TRRAP: variants seen among roughly 807,000 people sequenced by gnomAD.
TRRAP encodes transformation/transcription domain associated protein.
In TRRAP, 41 loss-of-function variants were observed where a neutral mutation model predicts 438.8. The ratio of observed to expected loss-of-function variants is 0.09; its 90% CI spans 0.07 to 0.12. The LOEUF (loss-of-function observed/expected upper bound fraction) is 0.12. Ranked by LOEUF, TRRAP falls within the 10% of genes least tolerant of loss-of-function variation. The pLI is 1.00. For synonymous variants in TRRAP, 1,994 were observed against 1,962.9 expected (o/e 1.02, Z -0.42); for missense variants, 3,122 against 5,055.1 (o/e 0.62, Z 11.60).
In TRRAP at chr7:98,931,470, G is replaced by A. The variant is rs782660771; in HGVS notation, c.3657G>A (p.Thr1219=). Residue 1219 remains threonine (T), a synonymous_variant, in exon 26 of 73, where the codon ACG becomes ACA. Transcript: ENST00000456197. The part of the protein sequence containing the change: ...TLEQLLMRCA[T]PLKDEERAEE... The stretch of plus-strand genomic sequence containing the variant: ...AGCAGCTTCTGATGCGGTGCGCAAC[G>A]CCTTTAAAAGACGAGGAGAGAGCCG... The A allele has an allele frequency of 5.6e-6, 9 of 1,613,988 alleles. No individual in the cohort carries two copies. In the African/African-American group the frequency reaches 6.7e-5, roughly 12 times the overall value.
Position 98,948,153 on chromosome 7 carries a change from A to G in TRRAP, c.4549-68A>G. The G allele has an allele frequency of 6.2e-7, 1 of 1,602,704 alleles. No homozygotes were observed. Among genetic ancestry groups the G allele is most frequent in the South Asian group, 1.1e-5 (1 of 90,586 alleles). On this transcript the variant is annotated intron_variant, in intron 33 of 72. Coordinates refer to ENST00000456197, the MANE Select transcript of TRRAP (RefSeq NM_001375524.1). This position sits in a 1 kb window ranked among gnomAD's most constrained non-coding sequence, Gnocchi z 4.9. ...ATAGTTAGACTATAGTAGGGTCTGT[A>G]GTGACGTTGACCTCTGTCACTTGCA...
rs1159048161 is a variant in TRRAP, at chr7:99,008,442, C to G, written c.10819C>G (p.Leu3607Val). ...LVEDNPSSLSLVEIYKQRCAK... is the reference protein window; with the variant it reads ...LVEDNPSSLSVVEIYKQRCAK... ...GGAGGACAACCCCTCTTCACTTTCC[C>G]TTGTGGAGATCTACAAGCAGCGCTG... Residue 3607 changes from leucine to valine, a missense_variant, in exon 70 of 73, where the codon CTT (leucine) becomes GTT (valine). Leu to Val is a conservative substitution (Grantham distance 32). Transcript: ENST00000456197. 1 of 1,614,018 alleles carries G rather than the reference C, an allele frequency of 6.2e-7. No individual in the cohort carries two copies. Among genetic ancestry groups the G allele is most frequent in the Non-Finnish European group, 8.5e-7 (1 of 1,179,972 alleles).
At chr7:98,961,594 A>C in intron 46 of TRRAP, 120 bp downstream of exon 46, 1 of 1,210,250 alleles carries the variant, frequency 8.3e-7, no homozygotes, top group Non-Finnish European at 1.2e-6. Flanking sequence ...TTTCCTTTCT[A>C]CTTGCAAACT....
rs183147867 is a variant in TRRAP, at chr7:99,008,296, C to G, written c.10754-81C>G. On this transcript the variant is annotated intron_variant, in intron 69 of 72. Coordinates refer to ENST00000456197, the MANE Select transcript of TRRAP (RefSeq NM_001375524.1). Reference sequence around the variant, plus strand: ...ATACAGAGCCGGGTCAGCTCTGCTCCCAGTGGCACTCTGACGGTGGAGCTG... The same window carrying G: ...ATACAGAGCCGGGTCAGCTCTGCTCGCAGTGGCACTCTGACGGTGGAGCTG... 3.4e-4 allele frequency: 496 copies of G among 1,457,676 alleles called. 1 individual carries two copies. The African/African-American group carries it at 5.7e-3, about 17-fold the overall frequency. The allele number at this position is 1,457,676 out of a possible 1,614,324, so 90.3% of individuals were successfully genotyped here. A position where few individuals can be genotyped will look rare whatever the true frequency, so the allele number is the denominator to read the frequency against.
At chr7:98,939,241 A>G (rs138697233) in intron 30 of TRRAP, among the ~76,000 whole-genome samples, 16 of 152,252 alleles carry the variant, frequency 1.1e-4, no homozygotes, top group African/African-American at 2.6e-4. Context: ...CTTTCCCCCA[A>G]CTATAAACAG....
chr7:98,975,980 A>G (rs2116728669), intron 53 of TRRAP, 169 bp from the exon 54 acceptor site: 3 of 886,976 alleles, frequency 3.4e-6, no homozygotes, highest in Non-Finnish European at 3.3e-6. Flanking sequence ...CCCACCACTC[A>G]GGATCTGTGG....
At chr7:98,937,859 CAA>C (rs1790624281) in intron 30 of TRRAP, 39 bp downstream of exon 30, 1 of 1,552,350 alleles carries the variant, frequency 6.4e-7, no homozygotes, top group African/African-American at 1.4e-5. Flanking sequence ...AACAAACTTT[CAA>C]AAAATTAAAT....
chr7:98,996,021 C>G (rs1303272683), intron 67 of TRRAP, among the ~76,000 whole-genome samples: 9 of 150,574 alleles, frequency 6.0e-5, no homozygotes, highest in Non-Finnish European at 1.2e-4. Context: ...TCTACTCACC[C>G]CTGTCCCATT....
intron 48 of TRRAP, among the ~76,000 whole-genome samples, chr7:98,965,440 C>T (rs925768553): frequency 6.6e-6 from 1 of 152,116 alleles, no homozygotes; most frequent in Non-Finnish European, 1.5e-5. Context: ...ATTAGGACTT[C>T]ACAGCTGGGT....
chr7:98,929,461 A>G (rs1790222302), intron 23 of TRRAP, among the ~76,000 whole-genome samples: 1 of 152,222 alleles, frequency 6.6e-6, no homozygotes, highest in African/African-American at 2.4e-5. Flanking sequence ...AGATACATGA[A>G]AATAACACAG....
intron 59 of TRRAP, among the ~76,000 whole-genome samples, chr7:98,983,063 C>T (rs1562970792): frequency 1.3e-5 from 2 of 152,092 alleles, no homozygotes; most frequent in Non-Finnish European, 2.9e-5. Context: ...ATTGGAGACA[C>T]CATAAGGAAA....
At chr7:98,963,657 G>T (rs533772512) in intron 47 of TRRAP, among the ~76,000 whole-genome samples, 2 of 152,158 alleles carry the variant, frequency 1.3e-5, no homozygotes, top group Non-Finnish European at 2.9e-5. Context: ...GTCATGGGTT[G>T]CCTGGGTTAC....
intron 14 of TRRAP, among the ~76,000 whole-genome samples, chr7:98,909,267 T>A (rs1486693092): frequency 1.3e-5 from 2 of 152,080 alleles, no homozygotes; most frequent in African/African-American, 2.4e-5. Context: ...CAAGTGATCC[T>A]CCTGCCTCAG....
chr7:98,953,100 C>T (rs543956155), intron 39 of TRRAP, 67 bp from the exon 40 acceptor site: 60 of 1,533,172 alleles, frequency 3.9e-5, no homozygotes, highest in South Asian at 4.7e-5. Context: ...TTAAACCTGT[C>T]GTATGACCCT....
At chr7:99,006,202 G>A (rs555282887) in intron 69 of TRRAP, among the ~76,000 whole-genome samples, 16 of 152,316 alleles carry the variant, frequency 1.1e-4, no homozygotes, top group African/African-American at 2.6e-4. Flanking sequence ...AGAGAAGAGA[G>A]CCACTTTGAT....
chr7:98,987,177 C>T (rs898502602), intron 62 of TRRAP, among the ~76,000 whole-genome samples: 4 of 152,208 alleles, frequency 2.6e-5, no homozygotes, highest in African/African-American at 9.7e-5. Flanking sequence ...TTTCTGGACT[C>T]TCACTTCTAT....
At chr7:98,979,497 T>C (rs1792817329) in intron 58 of TRRAP, among the ~76,000 whole-genome samples, 1 of 152,220 alleles carries the variant, frequency 6.6e-6, no homozygotes, top group South Asian at 2.1e-4. Flanking sequence ...TGCAGTTTTT[T>C]TTCCCCCAAA....
At chr7:98,946,480 C>G (rs992304606) in intron 33 of TRRAP, among the ~76,000 whole-genome samples, 1 of 151,500 alleles carries the variant, frequency 6.6e-6, no homozygotes. Flanking sequence ...CACACGTGCA[C>G]TCACACCACA....
intron 70 of TRRAP, among the ~76,000 whole-genome samples, chr7:99,009,605 T>C (rs1043874141): frequency 6.6e-6 from 1 of 152,222 alleles, no homozygotes; most frequent in Admixed American, 6.5e-5. Context: ...CTGTGGATGA[T>C]GGGCAGTTCT....
Sources: gnomAD v4.1 joint callset for allele counts (sites outside exome capture counted in the v4.1 genomes callset) on GRCh38, gnomAD v4.1.1 for gene constraint, Gnocchi (gnomAD v3.1) non-coding constraint, MANE v1.5 for transcripts, NCBI Gene and HGNC (gene_info 2026-07-23, HGNC 2026-07-21) for gene names.